SIPA1L1: variants seen among roughly 807,000 people sequenced by gnomAD.
SIPA1L1 encodes signal induced proliferation associated 1 like 1, also known as signal-induced proliferation-associated 1-like protein 1.
Under a neutral mutation model 162.7 loss-of-function variants are expected in SIPA1L1, and 26 were observed. The ratio of observed to expected loss-of-function variants is 0.16; its 90% CI spans 0.12 to 0.22. The LOEUF is 0.22. Ranked by LOEUF, SIPA1L1 falls within the 10% of genes least tolerant of loss-of-function variation. SIPA1L1 has a pLI of 1.00. For synonymous variants in SIPA1L1, 829 were observed against 837.4 expected (o/e 0.99, Z 0.17); for missense variants, 1,874 against 2,241.0 (o/e 0.84, Z 3.31).
chr14:71,595,599 C>A (rs535861994), intron 5 of SIPA1L1, among the ~76,000 whole-genome samples: 19 of 152,096 alleles, frequency 1.2e-4, no homozygotes, highest in Non-Finnish European at 2.2e-4. Flanking sequence ...GATGATTAGC[C>A]TACATTTATA....
At chr14:71,674,151 G>C (rs1277871700) in intron 12 of SIPA1L1, among the ~76,000 whole-genome samples, 1 of 152,188 alleles carries the variant, frequency 6.6e-6, no homozygotes, top group Non-Finnish European at 1.5e-5. Context: ...ACAGATGTTA[G>C]TCTAAGGACC....
At chr14:71,378,040 T>C (rs1472729805) in intron 2 of SIPA1L1, among the ~76,000 whole-genome samples, 1 of 151,660 alleles carries the variant, frequency 6.6e-6, no homozygotes, top group Admixed American at 6.6e-5. Context: ...TCTTCTTAAA[T>C]GTCTATAGGA....
intron 13 of SIPA1L1, among the ~76,000 whole-genome samples, chr14:71,688,272 C>T (rs1021444262): frequency 4.6e-5 from 7 of 152,146 alleles, no homozygotes; most frequent in African/African-American, 1.4e-4. Flanking sequence ...AGGAAATGCC[C>T]ATTGGAGGAT....
At chr14:71,663,848 C>T (rs2043757920) in intron 10 of SIPA1L1, among the ~76,000 whole-genome samples, 1 of 152,168 alleles carries the variant, frequency 6.6e-6, no homozygotes, top group Non-Finnish European at 1.5e-5. Context: ...GTTTGAAGGC[C>T]CAACACACAG....
intron 3 of SIPA1L1, among the ~76,000 whole-genome samples, chr14:71,516,249 GT>G (rs2051717288): frequency 6.6e-6 from 1 of 152,152 alleles, no homozygotes; most frequent in African/African-American, 2.4e-5. Flanking sequence ...GATTTGAAGA[GT>G]TTAATTATTT....
intron 2 of SIPA1L1, among the ~76,000 whole-genome samples, chr14:71,348,838 G>A (rs771188312): frequency 2.6e-5 from 4 of 152,138 alleles, no homozygotes; most frequent in Non-Finnish European, 5.9e-5. Flanking sequence ...AAGCAAACAA[G>A]TTCTTACTCA....
chr14:71,367,099 TTAACA>T (rs1428365842), intron 2 of SIPA1L1, among the ~76,000 whole-genome samples: 1 of 152,176 alleles, frequency 6.6e-6, no homozygotes, highest in African/African-American at 2.4e-5. Context: ...TTTGGTTGTC[TTAACA>T]TAAATAGTAA....
At chr14:71,650,909 T>A (rs2042565107) in intron 8 of SIPA1L1, among the ~76,000 whole-genome samples, 1 of 152,242 alleles carries the variant, frequency 6.6e-6, no homozygotes, top group African/African-American at 2.4e-5. Context: ...TCTTCATGTT[T>A]ATCTATGTAG....
chr14:71,469,192 G>C (rs1201868134), intron 2 of SIPA1L1, among the ~76,000 whole-genome samples: 1 of 152,054 alleles, frequency 6.6e-6, no homozygotes, highest in Non-Finnish European at 1.5e-5. Flanking sequence ...CATCCGCAGA[G>C]TCCACTGGAG....
rs398025583 is a variant in SIPA1L1, at chr14:71,387,248, C to CAAAAAAA, written c.-465+66089_-465+66095dup. 9.3e-4 allele frequency among the ~76,000 whole-genome samples: 50 copies of CAAAAAAA among 53,850 alleles called. 1 individual carries two copies. The highest frequency in any genetic ancestry group is 2.1e-3 in the South Asian group (2 of 956). 35.3% of individuals were successfully genotyped at this position (53,850 alleles called of 152,430 possible). On this transcript the variant is annotated intron_variant, in intron 2 of 23. Coordinates refer to ENST00000381232, the MANE Select transcript of SIPA1L1 (RefSeq NM_001386936.1). ...GGGCAACAAGAGCGAAACTCTGTCT[C>CAAAAAAA]AAAAAAAAAAAAAAAAAAAAAAAAA...
chr14:71,344,851 A>G (rs2036001654), intron 2 of SIPA1L1, among the ~76,000 whole-genome samples: 1 of 152,142 alleles, frequency 6.6e-6, no homozygotes, highest in Non-Finnish European at 1.5e-5. Context: ...GTCGTGAGCC[A>G]CTGTGCCTGG....
At chr14:71,679,338 T>A (rs1406595793) in intron 12 of SIPA1L1, among the ~76,000 whole-genome samples, 1 of 152,088 alleles carries the variant, frequency 6.6e-6, no homozygotes, top group African/African-American at 2.4e-5. Context: ...CAAACTAAGC[T>A]TCATAAGTGA....
At position 71,553,597 on chromosome 14, in the gene SIPA1L1, T is replaced by C. The variant is rs1247333245; in HGVS notation, c.-303+24227T>C. On this transcript the variant is annotated intron_variant, in intron 4 of 23. Transcript: ENST00000381232. ...TTTTTCTTAGGAAATGCTAACAGTATAATTTGAACAGACCTGTGAATTGAT... is the reference window on the plus strand; with the variant it reads ...TTTTTCTTAGGAAATGCTAACAGTACAATTTGAACAGACCTGTGAATTGAT... Among the ~76,000 whole-genome samples, 4 of 152,216 alleles carry C rather than the reference T, an allele frequency of 2.6e-5. No homozygotes were observed. The East Asian group carries it at 7.7e-4, about 29-fold the overall frequency.
intron 2 of SIPA1L1, among the ~76,000 whole-genome samples, chr14:71,474,555 C>T (rs773551772): frequency 6.6e-5 from 10 of 152,220 alleles, no homozygotes; most frequent in Non-Finnish European, 1.3e-4. Flanking sequence ...AAAAAGGTCT[C>T]AATCTTGTGC....
At chr14:71,402,350 A>AT (rs34542279) in intron 2 of SIPA1L1, among the ~76,000 whole-genome samples, 61,266 of 144,310 alleles carry the variant, frequency 0.42, 13,261 homozygotes, top group Admixed American at 0.51. Context: ...TCTTGGGTAA[A>AT]TTTTTTTTTT....
chr14:71,590,044 A>AT (rs1358959562), intron 5 of SIPA1L1, among the ~76,000 whole-genome samples: 145 of 59,526 alleles, frequency 2.4e-3, no homozygotes, highest in Non-Finnish European at 3.6e-3. Flanking sequence ...AAAAAAAAAA[A>AT]ATATATATAT....
chr14:71,338,960 G>C (rs561289262), intron 2 of SIPA1L1, among the ~76,000 whole-genome samples: 95 of 151,914 alleles, frequency 6.3e-4, no homozygotes, highest in Middle Eastern at 3.4e-3. Flanking sequence ...GGCTGGTCTT[G>C]AACTCCCAAC....
chr14:71,674,554 T>G (rs2044882827), intron 12 of SIPA1L1, among the ~76,000 whole-genome samples: 1 of 148,388 alleles, frequency 6.7e-6, no homozygotes, highest in Admixed American at 6.7e-5. Flanking sequence ...TTCCTGTTTT[T>G]TTTTTGTTTT....
intron 2 of SIPA1L1, among the ~76,000 whole-genome samples, chr14:71,482,220 T>TA (rs1238710798): frequency 6.6e-6 from 1 of 152,148 alleles, no homozygotes; most frequent in Non-Finnish European, 1.5e-5. Context: ...AGGTAAGTGC[T>TA]AAGGATTCAA....
Sources: gnomAD v4.1 joint callset for allele counts (sites outside exome capture counted in the v4.1 genomes callset) on GRCh38, gnomAD v4.1.1 for gene constraint, MANE v1.5 for transcripts, NCBI Gene and HGNC (gene_info 2026-07-23, HGNC 2026-07-21) for gene names.